LDLRAD4: variants seen among roughly 807,000 people sequenced by gnomAD.
LDLRAD4 encodes the protein low density lipoprotein receptor class A domain containing 4, also known as low-density lipoprotein receptor class A domain-containing protein 4.
LDLRAD4 carries 5 observed loss-of-function variants against 17.0 expected under a neutral mutation model. The observed-to-expected ratio is 0.29, with a 90% CI of 0.15 to 0.62. LDLRAD4 has a LOEUF of 0.62. Ranked by LOEUF, LDLRAD4 falls within the 20% of genes least tolerant of loss-of-function variation. The pLI is 0.84. For missense variants in LDLRAD4, 340 were observed against 424.7 expected, an observed-to-expected ratio of 0.80 and a Z score of 1.75; for synonymous variants, 168 against 171.8, an observed-to-expected ratio of 0.98 and a Z score of 0.17.
chr18:13,385,383 C>T (rs1161053586), intron 1 of LDLRAD4, among the ~76,000 whole-genome samples: 1 of 151,952 alleles, frequency 6.6e-6, no homozygotes, highest in Non-Finnish European at 1.5e-5. Context: ...GATATTAGGC[C>T]CTGATCAGAA....
chr18:13,305,158 A>T (rs549771022), intron 1 of LDLRAD4, among the ~76,000 whole-genome samples: 2 of 152,344 alleles, frequency 1.3e-5, no homozygotes, highest in East Asian at 3.9e-4. Flanking sequence ...TGTAGATACT[A>T]GTCTATTTTG....
At chr18:13,569,921 G>C (rs948274) in intron 3 of LDLRAD4, among the ~76,000 whole-genome samples, 91,013 of 151,988 alleles carry the variant, frequency 0.6, 27,930 homozygotes, top group East Asian at 0.87. Context: ...AATAAATTGC[G>C]CTTGGAAGAA....
chr18:13,481,842 A>G (rs2093093630), intron 3 of LDLRAD4, among the ~76,000 whole-genome samples: 1 of 129,460 alleles, frequency 7.7e-6, no homozygotes, highest in Non-Finnish European at 1.6e-5. Context: ...GCTTCAACTT[A>G]GAAAAGATCT....
chr18:13,448,758 GA>G (rs2091596829), intron 3 of LDLRAD4, among the ~76,000 whole-genome samples: 1 of 152,086 alleles, frequency 6.6e-6, no homozygotes, highest in Non-Finnish European at 1.5e-5. Flanking sequence ...TCTTGGTCTT[GA>G]AAAAAATTAT....
At chr18:13,247,152 T>A (rs2042995030) in intron 1 of LDLRAD4, among the ~76,000 whole-genome samples, 1 of 152,172 alleles carries the variant, frequency 6.6e-6, no homozygotes. Context: ...CAGGTTCTGT[T>A]TTTAGGGCAA....
intron 3 of LDLRAD4, among the ~76,000 whole-genome samples, chr18:13,482,890 T>A (rs1000607385): frequency 6.6e-6 from 1 of 152,198 alleles, no homozygotes; most frequent in Non-Finnish European, 1.5e-5. Flanking sequence ...TTCTCTCCTA[T>A]GTTAAGAGTT....
chr18:13,612,079 C>T, intron 3 of LDLRAD4: 14 of 985,560 alleles, frequency 1.4e-5, no homozygotes, highest in Non-Finnish European at 1.6e-5. Context: ...GCGCCCTCTC[C>T]GGTCCTTCCA....
chr18:13,412,335 C>T (rs1296158236), intron 2 of LDLRAD4, among the ~76,000 whole-genome samples: 3 of 152,202 alleles, frequency 2.0e-5, no homozygotes, highest in Non-Finnish European at 4.4e-5. Flanking sequence ...CTGTTCTTTC[C>T]AGCTCTTAAA....
In LDLRAD4 at chr18:13,449,000, C is replaced by T. The variant is rs114135192; in HGVS notation, c.181+10616C>T. On this transcript the variant is annotated intron_variant, in intron 3 of 5. Coordinates refer to ENST00000359446, the Ensembl canonical transcript of LDLRAD4. ...AAACTTTGCAGTAATCATTTTTTCA[C>T]TCCTTCATCCATTCTTGTTCTGTCC... 5.0e-3 allele frequency among the ~76,000 whole-genome samples: 761 copies of T among 152,284 alleles called. 6 individuals are homozygous for T. Among genetic ancestry groups the T allele is most frequent in the African/African-American group, 0.017 (705 of 41,572 alleles).
rs551654315 is a variant in LDLRAD4 at position 13,439,770 on chromosome 18, G to T, written c.181+1386G>T. Among the ~76,000 whole-genome samples the T allele has an allele frequency of 2.9e-3, 445 of 152,322 alleles. 3 individuals are homozygous for T. The highest frequency in any genetic ancestry group is 0.01 in the African/African-American group (418 of 41,574). ...GTCAGGATGGGGGACTGGGAGCTGG[G>T]TGAGCACCTCCCTGAGGATGAGCAG... On this transcript the variant is annotated intron_variant, in intron 3 of 5. Coordinates refer to ENST00000359446, the Ensembl canonical transcript of LDLRAD4.
chr18:13,545,997 CTG>C (rs1235912347), intron 3 of LDLRAD4, among the ~76,000 whole-genome samples: 1 of 152,184 alleles, frequency 6.6e-6, no homozygotes, highest in East Asian at 1.9e-4. Context: ...GTGTTCATAA[CTG>C]TGGGATCACA....
chr18:13,584,767 A>G (rs2094912566), intron 3 of LDLRAD4, among the ~76,000 whole-genome samples: 1 of 152,196 alleles, frequency 6.6e-6, no homozygotes, highest in Non-Finnish European at 1.5e-5. Context: ...AGAACTTTGG[A>G]TCTGTCTCCT....
chr18:13,651,604 C>A (rs2043249071), exon 6 of LDLRAD4: 1 of 152,230 alleles, frequency 6.6e-6, no homozygotes, highest in African/African-American at 2.4e-5. Flanking sequence ...GTGACCTCTG[C>A]ATTTATCTTC....
At chr18:13,345,629 A>T (rs1413148108) in intron 1 of LDLRAD4, among the ~76,000 whole-genome samples, 1 of 152,038 alleles carries the variant, frequency 6.6e-6, no homozygotes, top group African/African-American at 2.4e-5. Flanking sequence ...CTCTTTTTTT[A>T]TTGATTGGAA....
At chr18:13,639,265 T>G (rs2042324653) in intron 4 of LDLRAD4, among the ~76,000 whole-genome samples, 1 of 152,178 alleles carries the variant, frequency 6.6e-6, no homozygotes, top group Non-Finnish European at 1.5e-5. Context: ...CCCTTCTCCC[T>G]GAAAATGTTC....
chr18:13,323,605 A>G (rs2081366503), intron 1 of LDLRAD4, among the ~76,000 whole-genome samples: 1 of 152,220 alleles, frequency 6.6e-6, no homozygotes, highest in Admixed American at 6.5e-5. Context: ...GAGTTAAATA[A>G]TACTTTAATG....
intron 3 of LDLRAD4, among the ~76,000 whole-genome samples, chr18:13,452,356 G>A (rs2091889041): frequency 6.6e-6 from 1 of 152,134 alleles, no homozygotes; most frequent in African/African-American, 2.4e-5. Context: ...GTGCAGACTG[G>A]GTGCCGTGGA....
intron 4 of LDLRAD4, among the ~76,000 whole-genome samples, chr18:13,637,484 A>G (rs927215014): frequency 6.6e-6 from 1 of 152,156 alleles, no homozygotes; most frequent in African/African-American, 2.4e-5. Context: ...CAGCCTTTCC[A>G]TTCAAAACAC....
chr18:13,322,361 G>A lies in LDLRAD4; in HGVS notation c.-383+44173G>A, dbSNP rs540941103. Reference sequence around the variant, plus strand: ...GTCTCCCAGGCTGGAGCGCAGTGGCGCAATCTTGGCTCACTGCAACCTCCA... The same window carrying A: ...GTCTCCCAGGCTGGAGCGCAGTGGCACAATCTTGGCTCACTGCAACCTCCA... On this transcript the variant is annotated intron_variant, in intron 1 of 5. Coordinates refer to ENST00000359446, the Ensembl canonical transcript of LDLRAD4. Among the ~76,000 whole-genome samples, 9 of 145,268 alleles carry A rather than the reference G, an allele frequency of 6.2e-5. No individual in the cohort carries two copies. The South Asian group carries it at 1.1e-3, about 18-fold the overall frequency.
Sources: gnomAD v4.1 joint callset for allele counts (sites outside exome capture counted in the v4.1 genomes callset) on GRCh38, gnomAD v4.1.1 for gene constraint, MANE v1.5 for transcripts, NCBI Gene and HGNC (gene_info 2026-07-23, HGNC 2026-07-21) for gene names.